The following FER1L6 variants were observed in gnomAD, a reference collection of about 807,000 sequenced individuals.
FER1L6 encodes the protein fer-1 like family member 6, also known as fer-1-like protein 6.
In FER1L6, 177 loss-of-function variants were observed where a neutral mutation model predicts 219.2. The ratio of observed to expected loss-of-function variants is 0.81; its 90% CI spans 0.71 to 0.91. FER1L6 has a LOEUF of 0.91. Among genes scored for constraint, FER1L6 ranks in the 40% least tolerant of loss-of-function variants. The pLI, the probability that FER1L6 is intolerant of heterozygous loss-of-function variation, is 0.00. For missense variants in FER1L6, 2,153 were observed against 2,259.9 expected (o/e 0.95, Z 0.96); for synonymous variants, 768 against 824.3 (o/e 0.93, Z 1.17).
At chr8:124,006,973 C>A (rs570345549) in intron 13 of FER1L6, among the ~76,000 whole-genome samples, 1 of 152,342 alleles carries the variant, frequency 6.6e-6, no homozygotes, top group East Asian at 1.9e-4. Flanking sequence ...ATTTATCTAT[C>A]TGCAGGATTC....
chr8:124,022,290 C>T (rs1818490597), intron 17 of FER1L6, among the ~76,000 whole-genome samples: 1 of 152,218 alleles, frequency 6.6e-6, no homozygotes, highest in Admixed American at 6.5e-5. Context: ...TTTGAATAAG[C>T]ACTCAGAAGA....
chr8:124,054,453 C>CTTGA (rs1554639878), intron 22 of FER1L6, among the ~76,000 whole-genome samples: 2 of 152,248 alleles, frequency 1.3e-5, no homozygotes, highest in South Asian at 2.1e-4. Flanking sequence ...TTTTTCAAAA[C>CTTGA]TTGATATTTC....
At chr8:123,973,835 T>A (rs781668711) in intron 7 of FER1L6, among the ~76,000 whole-genome samples, 2 of 152,216 alleles carry the variant, frequency 1.3e-5, no homozygotes, top group African/African-American at 2.4e-5. Flanking sequence ...TCCCACTCTA[T>A]GTCCTAGCTG....
At chr8:123,991,779 G>T (rs1816862821) in intron 12 of FER1L6, among the ~76,000 whole-genome samples, 1 of 151,988 alleles carries the variant, frequency 6.6e-6, no homozygotes. Context: ...CAGTTCTTAG[G>T]GGAAATGCTT....
chr8:124,010,541 T>A lies in FER1L6; in HGVS notation c.1701-53T>A. 2.5e-6 allele frequency: 4 copies of A among 1,602,856 alleles called. No homozygotes were observed. In the South Asian group the frequency reaches 4.5e-5, roughly 18 times the overall value. On this transcript the variant is annotated intron_variant, in intron 13 of 40. Coordinates refer to ENST00000522917, the MANE Select transcript of FER1L6 (RefSeq NM_001039112.2). ...TAAAACATTAACGTGTGACTGGGGT[T>A]GCCTGGAAAACACTGATTACCAGCT...
At chr8:124,070,008 C>T (rs1820999263) in intron 29 of FER1L6, among the ~76,000 whole-genome samples, 1 of 152,118 alleles carries the variant, frequency 6.6e-6, no homozygotes, top group East Asian at 1.9e-4. Flanking sequence ...CTCAATTTTG[C>T]ATTTCCAAAG....
intron 39 of FER1L6, 28 bp from the exon 40 acceptor site, chr8:124,118,816 A>G: frequency 3.7e-6 from 6 of 1,607,428 alleles, no homozygotes; most frequent in Non-Finnish European, 5.1e-6. Context: ...TTGTGACTGG[A>G]AACAAAAGGT....
intron 1 of FER1L6, among the ~76,000 whole-genome samples, chr8:123,893,618 A>G (rs1812689039): frequency 6.6e-6 from 1 of 152,216 alleles, no homozygotes; most frequent in Non-Finnish European, 1.5e-5. Context: ...GTTTATTTGC[A>G]TACATTTAAC....
At chr8:124,077,765 C>T (rs1821355444) in intron 32 of FER1L6, among the ~76,000 whole-genome samples, 1 of 152,202 alleles carries the variant, frequency 6.6e-6, no homozygotes, top group African/African-American at 2.4e-5. Context: ...CATTGCAGCA[C>T]CTCATCCAAA....
chr8:124,007,881 T>G (rs952801658), intron 13 of FER1L6, among the ~76,000 whole-genome samples: 2 of 141,596 alleles, frequency 1.4e-5, no homozygotes, highest in Non-Finnish European at 3.0e-5. Flanking sequence ...GTATGATTAT[T>G]TTTTTACATT....
At position 123,964,938 on chromosome 8, in the gene FER1L6, T is replaced by C. The variant is rs77908583; in HGVS notation, c.198-1069T>C. Among the ~76,000 whole-genome samples, 1,124 of 152,312 alleles carry C rather than the reference T, an allele frequency of 7.4e-3. 18 individuals carry two copies. Among genetic ancestry groups the C allele is most frequent in the African/African-American group, 0.026 (1,077 of 41,574 alleles). Reference sequence around the variant, plus strand: ...CTTCTCTCCCATGGATGATAGATTGTTACTTCTCAAGGACCAGGAAGATGG... The same window carrying C: ...CTTCTCTCCCATGGATGATAGATTGCTACTTCTCAAGGACCAGGAAGATGG... On this transcript the variant is annotated intron_variant, in intron 3 of 40. Coordinates refer to ENST00000522917, the MANE Select transcript of FER1L6 (RefSeq NM_001039112.2).
At chr8:124,015,084 A>G (rs1586592837) in intron 15 of FER1L6, among the ~76,000 whole-genome samples, 4 of 152,162 alleles carry the variant, frequency 2.6e-5, no homozygotes, top group East Asian at 1.9e-4. Flanking sequence ...GCTGCCTCTC[A>G]TGACAGAGCA....
At chr8:123,928,647 C>A (rs1013368626) in intron 1 of FER1L6, among the ~76,000 whole-genome samples, 32 of 152,204 alleles carry the variant, frequency 2.1e-4, no homozygotes, top group African/African-American at 7.5e-4. Flanking sequence ...CCTTGAAAAT[C>A]TGAAAATGGT....
chr8:123,864,240 C>T lies in FER1L6; in HGVS notation c.-8+12055C>T, dbSNP rs1285631832. ...TTTTATTTCTCCTTCACTTATGAAG[C>T]TTAGTTTGGCTGGATATGAAATTCT... is the stretch of plus-strand genomic sequence containing the variant. On this transcript the variant is annotated intron_variant, in intron 1 of 40. Coordinates refer to ENST00000522917, the MANE Select transcript of FER1L6 (RefSeq NM_001039112.2). 2.0e-5 allele frequency among the ~76,000 whole-genome samples: 3 copies of T among 150,320 alleles called. No individual in the cohort carries two copies. In the South Asian group the frequency reaches 6.2e-4, roughly 31 times the overall value.
At chr8:123,970,005 G>T (rs2130250634) in intron 5 of FER1L6, 30 bp from the exon 6 acceptor site, 1 of 1,604,116 alleles carries the variant, frequency 6.2e-7, no homozygotes, top group East Asian at 2.2e-5. Flanking sequence ...GTCTGGGGTT[G>T]ATGACCAGAA....
At chr8:124,112,500 A>C (rs139998882) in intron 39 of FER1L6, among the ~76,000 whole-genome samples, 3 of 152,326 alleles carry the variant, frequency 2.0e-5, no homozygotes, top group African/African-American at 7.2e-5. Flanking sequence ...TATATGCCTT[A>C]TCCCAAGTCA....
intron 32 of FER1L6, 80 bp downstream of exon 32, chr8:124,076,405 T>C (rs1419285690): frequency 3.7e-6 from 5 of 1,362,068 alleles, no homozygotes; most frequent in Non-Finnish European, 5.2e-6. Context: ...AGTGCGTGTA[T>C]GTTTGTGTTC....
At chr8:124,028,096 G>T (rs1266461439) in intron 18 of FER1L6, among the ~76,000 whole-genome samples, 1 of 152,144 alleles carries the variant, frequency 6.6e-6, no homozygotes, top group African/African-American at 2.4e-5. Flanking sequence ...ATGTATCCTG[G>T]CACTATTTAA....
At chr8:123,941,457 A>G (rs937927506) in intron 1 of FER1L6, among the ~76,000 whole-genome samples, 1 of 152,166 alleles carries the variant, frequency 6.6e-6, no homozygotes, top group African/African-American at 2.4e-5. Context: ...GAGTCACTGA[A>G]GGAAGGTGGT....
Sources: gnomAD v4.1 joint callset for allele counts (sites outside exome capture counted in the v4.1 genomes callset) on GRCh38, gnomAD v4.1.1 for gene constraint, MANE v1.5 for transcripts, NCBI Gene and HGNC (gene_info 2026-07-23, HGNC 2026-07-21) for gene names.